The following CTTNBP2 variants were observed in gnomAD, a reference collection of about 807,000 sequenced individuals.
CTTNBP2 encodes cortactin binding protein 2, also known as cortactin-binding protein 2.
CTTNBP2 carries 108 observed loss-of-function variants against 156.9 expected under a neutral mutation model. That is an observed-to-expected ratio of 0.69 (90% CI 0.59 to 0.81). The LOEUF is 0.81. Among genes scored for constraint, CTTNBP2 ranks in the 30% least tolerant of loss-of-function variants. CTTNBP2 has a pLI of 0.00. For synonymous variants in CTTNBP2, 767 were observed against 751.8 expected (o/e 1.02, Z -0.33); for missense variants, 1,924 against 2,035.4 (o/e 0.95, Z 1.05).
chr7:117,742,402 C>T (rs894200254), intron 14 of CTTNBP2, among the ~76,000 whole-genome samples: 3 of 152,158 alleles, frequency 2.0e-5, no homozygotes, highest in Non-Finnish European at 4.4e-5. Flanking sequence ...TTAAAAGGGT[C>T]AGATCAGCAG....
Position 117,711,349 on chromosome 7 carries a change from T to TAA in CTTNBP2, c.*186_*187dup. ...GTATTGAAGTTCAATCCTACAGAAT[T>TAA]AAAAAAAAAAGCAACAAAATGTTGG... On this transcript the variant is annotated 3_prime_UTR_variant, in exon 23 of 23. Transcript: ENST00000160373. The TAA allele has an allele frequency of 1.1e-5, 6 of 544,202 alleles. No homozygotes were observed. The highest frequency in any genetic ancestry group is 7.0e-5 in the East Asian group (2 of 28,596). 33.7% of individuals were successfully genotyped at this position (544,202 alleles called of 1,614,324 possible).
chr7:117,735,335 A>T lies in CTTNBP2; in HGVS notation c.3622T>A (p.Leu1208Ile). The change falls in exon 15 of 23, where the codon TTA becomes ATA. Residue 1208 changes from leucine to isoleucine, a missense_variant. Transcript: ENST00000160373. ...AGAGGTGCCAAAAAGTCCCTCAATA[A>T]CTCCGACAGTGAAGATTTTTCTAAA... The part of the protein sequence containing the change: ...ENLEKSSLSE[L>I]LRDFLAPLEN... 1 of 1,613,894 alleles carries T rather than the reference A, an allele frequency of 6.2e-7. No homozygotes were observed. The highest frequency in any genetic ancestry group is 1.3e-5 in the African/African-American group (1 of 75,018).
chr7:117,807,627 A>T lies in CTTNBP2; in HGVS notation c.414+3138T>A, dbSNP rs76243362. Among the ~76,000 whole-genome samples, 1,306 of 152,268 alleles carry T rather than the reference A, an allele frequency of 8.6e-3. 16 individuals are homozygous for T. Among genetic ancestry groups the T allele is most frequent in the African/African-American group, 0.03 (1,231 of 41,534 alleles). The stretch of plus-strand genomic sequence containing the variant: ...TGTGTAGTCTAAGCTTGGCTAATGA[A>T]ATGCACCTGTCTTAGGCTTCAAATA... On this transcript the variant is annotated intron_variant, in intron 3 of 22. Transcript: ENST00000160373.
intron 2 of CTTNBP2, among the ~76,000 whole-genome samples, chr7:117,812,404 T>C (rs1171086367): frequency 6.6e-6 from 1 of 152,020 alleles, no homozygotes; most frequent in East Asian, 1.9e-4. Flanking sequence ...GTTCCATACT[T>C]TAAAGGGAAC....
intron 2 of CTTNBP2, among the ~76,000 whole-genome samples, chr7:117,830,700 C>T (rs1054121360): frequency 1.3e-5 from 2 of 152,186 alleles, no homozygotes; most frequent in Non-Finnish European, 2.9e-5. Context: ...TGTTTGACTG[C>T]TCTTTCTTTA....
chr7:117,717,459 C>T (rs545018072), intron 22 of CTTNBP2, among the ~76,000 whole-genome samples: 33 of 151,810 alleles, frequency 2.2e-4, no homozygotes, highest in African/African-American at 7.5e-4. Flanking sequence ...AGTACCCCCG[C>T]ATCCACAATT....
chr7:117,732,210 T>C (rs184498874), intron 16 of CTTNBP2, among the ~76,000 whole-genome samples: 44 of 152,270 alleles, frequency 2.9e-4, no homozygotes, highest in African/African-American at 1.0e-3. Flanking sequence ...ATGTGCACAT[T>C]TTAAATAACA....
At chr7:117,715,831 C>T (rs1310703085) in intron 22 of CTTNBP2, 1 of 152,162 alleles carries the variant, frequency 6.6e-6, no homozygotes, top group Non-Finnish European at 1.5e-5. Context: ...AAAGTGATTT[C>T]AACTAACCCA....
In CTTNBP2 at chr7:117,711,403, TTGAATAG is replaced by T. The variant is rs1794044553; in HGVS notation, c.*127_*133del. ...TAAATACATTCTTTACAAAAAAAAA[TTGAATAG>T]TGGTCCCGCACTCATAATTTATATT... On this transcript the variant is annotated 3_prime_UTR_variant, in exon 23 of 23. Transcript: ENST00000160373. 3 of 938,866 alleles carry T rather than the reference TTGAATAG, an allele frequency of 3.2e-6. No homozygotes were observed. The highest frequency in any genetic ancestry group is 2.9e-5 in the Admixed American group (1 of 34,724). The allele number at this position is 938,866 out of a possible 1,614,324, so 58.2% of individuals were successfully genotyped here. A position where few individuals can be genotyped will look rare whatever the true frequency, so the allele number is the denominator to read the frequency against.
At chr7:117,784,526 G>A (rs1433806117) in intron 4 of CTTNBP2, 72 bp from the exon 5 acceptor site, 1 of 1,060,124 alleles carries the variant, frequency 9.4e-7, no homozygotes, top group Non-Finnish European at 1.4e-6. Flanking sequence ...ATTCCTTTCT[G>A]AATTACACAC....
intron 12 of CTTNBP2, among the ~76,000 whole-genome samples, chr7:117,752,762 T>C (rs1446963285): frequency 3.3e-5 from 5 of 152,230 alleles, no homozygotes; most frequent in Non-Finnish European, 7.4e-5. Context: ...TAGTTTCAAC[T>C]CCTTGGGTCC....
intron 3 of CTTNBP2, among the ~76,000 whole-genome samples, chr7:117,806,754 T>TG (rs1409687497): frequency 4.1e-5 from 6 of 146,762 alleles, no homozygotes; most frequent in Admixed American, 6.8e-5. Flanking sequence ...ATTTTTTTTT[T>TG]TTTTTTTTTT....
chr7:117,744,068 T>C (rs1356602085), intron 14 of CTTNBP2, among the ~76,000 whole-genome samples: 2 of 152,166 alleles, frequency 1.3e-5, no homozygotes, highest in African/African-American at 4.8e-5. Context: ...TTTGTGTGTC[T>C]ATGAGGTGTT....
At chr7:117,856,040 A>T (rs1026977392) in intron 2 of CTTNBP2, among the ~76,000 whole-genome samples, 1 of 152,278 alleles carries the variant, frequency 6.6e-6, no homozygotes, top group East Asian at 1.9e-4. Context: ...ATAATATTGA[A>T]ATCAAGATAG....
intron 1 of CTTNBP2, among the ~76,000 whole-genome samples, chr7:117,863,454 TC>T (rs1177341837): frequency 6.6e-6 from 1 of 152,222 alleles, no homozygotes; most frequent in African/African-American, 2.4e-5. Flanking sequence ...CTAATTGTTC[TC>T]AAACATTGGC....
intron 2 of CTTNBP2, among the ~76,000 whole-genome samples, chr7:117,824,570 A>G (rs1396773187): frequency 1.3e-5 from 2 of 152,360 alleles, no homozygotes; most frequent in East Asian, 3.9e-4. Flanking sequence ...CAATCACACT[A>G]TGTAGGTACT....
chr7:117,861,720 GT>G (rs1376027031), intron 1 of CTTNBP2, among the ~76,000 whole-genome samples: 3 of 152,062 alleles, frequency 2.0e-5, no homozygotes, highest in Non-Finnish European at 2.9e-5. Flanking sequence ...TTCCTGGGAG[GT>G]TATTATAAAT....
intron 8 of CTTNBP2, among the ~76,000 whole-genome samples, chr7:117,776,829 C>T (rs1440693840): frequency 6.6e-6 from 1 of 152,180 alleles, no homozygotes; most frequent in Non-Finnish European, 1.5e-5. Flanking sequence ...GTCTTGTACC[C>T]TGCTCACTTG....
chr7:117,830,277 A>G (rs35060317), intron 2 of CTTNBP2, among the ~76,000 whole-genome samples: 1 of 152,346 alleles, frequency 6.6e-6, no homozygotes. Flanking sequence ...TTTTAATTGA[A>G]TGTACTTCTA....
Sources: gnomAD v4.1 joint callset for allele counts (sites outside exome capture counted in the v4.1 genomes callset) on GRCh38, gnomAD v4.1.1 for gene constraint, MANE v1.5 for transcripts, NCBI Gene and HGNC (gene_info 2026-07-23, HGNC 2026-07-21) for gene names.